PPP1R14C: variants seen among roughly 807,000 people sequenced by gnomAD.
The protein encoded by PPP1R14C is protein phosphatase 1 regulatory subunit 14C.
In PPP1R14C, 16 loss-of-function variants were observed where a neutral mutation model predicts 20.4. The ratio of observed to expected loss-of-function variants is 0.78; its 90% CI spans 0.53 to 1.19. The LOEUF is 1.19. PPP1R14C is among the 50% of genes most tolerant of loss of function. The pLI is 0.00. For missense variants in PPP1R14C, 211 were observed against 220.1 expected, an observed-to-expected ratio of 0.96 and a Z score of 0.26; for synonymous variants, 91 against 91.0, an observed-to-expected ratio of 1.00 and a Z score of 0.00.
intron 1 of PPP1R14C, among the ~76,000 whole-genome samples, chr6:150,162,746 A>T (rs1284242482): frequency 6.6e-6 from 1 of 152,232 alleles, no homozygotes; most frequent in African/African-American, 2.4e-5. Flanking sequence ...GGTGCTTAGG[A>T]TACAACAGCG....
rs369389461 is a variant in PPP1R14C, at chr6:150,248,927, G to GT, written c.*120dup. 74,578 of 420,114 alleles carry GT rather than the reference G, an allele frequency of 0.18. 546 individuals are homozygous for GT. The highest frequency in any genetic ancestry group is 0.2 in the Non-Finnish European group (49,441 of 249,006). 26.0% of individuals were successfully genotyped at this position (420,114 alleles called of 1,614,324 possible). On this transcript the variant is annotated 3_prime_UTR_variant, in exon 4 of 4. Coordinates refer to ENST00000361131, the MANE Select transcript of PPP1R14C (RefSeq NM_030949.3). Reference sequence around the variant, plus strand: ...AGGTGTCCTTATGAACAACGTTTTTGTTTTTTTTTTTTTCTTTTTTGGTGT... The same window carrying GT: ...AGGTGTCCTTATGAACAACGTTTTTGTTTTTTTTTTTTTTCTTTTTTGGTGT...
intron 1 of PPP1R14C, among the ~76,000 whole-genome samples, chr6:150,211,036 C>T (rs146141068): frequency 1.1e-3 from 162 of 152,336 alleles, no homozygotes; most frequent in African/African-American, 3.7e-3. Context: ...TCCCTCTAAA[C>T]CTGTTCAAAT....
intron 3 of PPP1R14C, among the ~76,000 whole-genome samples, chr6:150,218,485 C>CAAA (rs137954748): frequency 4.8e-5 from 6 of 125,762 alleles, no homozygotes; most frequent in African/African-American, 1.7e-4. Context: ...CCCCCCCCCC[C>CAAA]AAAAAAAAAT....
At chr6:150,228,775 C>A (rs1778259058) in intron 3 of PPP1R14C, among the ~76,000 whole-genome samples, 1 of 152,054 alleles carries the variant, frequency 6.6e-6, no homozygotes, top group African/African-American at 2.4e-5. Context: ...TTAAATTTTT[C>A]ACTATACACT....
At chr6:150,203,267 C>T (rs1357687205) in intron 1 of PPP1R14C, among the ~76,000 whole-genome samples, 1 of 152,196 alleles carries the variant, frequency 6.6e-6, no homozygotes, top group Non-Finnish European at 1.5e-5. Context: ...TTACTATCTC[C>T]ATATTTTAGT....
chr6:150,239,251 G>A (rs548925466), intron 3 of PPP1R14C, among the ~76,000 whole-genome samples: 10 of 152,308 alleles, frequency 6.6e-5, no homozygotes, highest in Admixed American at 1.3e-4. Context: ...TAAAGGTAGT[G>A]GTGAAACATC....
At chr6:150,212,184 A>T (rs767207882) in intron 1 of PPP1R14C, among the ~76,000 whole-genome samples, 15 of 152,232 alleles carry the variant, frequency 9.9e-5, no homozygotes, top group Non-Finnish European at 2.1e-4. Flanking sequence ...GCTACAATGC[A>T]AGTGCTCTCC....
At chr6:150,150,601 G>T (rs1258546718) in intron 1 of PPP1R14C, among the ~76,000 whole-genome samples, 1 of 152,102 alleles carries the variant, frequency 6.6e-6, no homozygotes, top group African/African-American at 2.4e-5. Flanking sequence ...TTTCCATGTG[G>T]CACATGCTTT....
At chr6:150,203,154 G>A (rs1422785004) in intron 1 of PPP1R14C, among the ~76,000 whole-genome samples, 1 of 152,256 alleles carries the variant, frequency 6.6e-6, no homozygotes, top group South Asian at 2.1e-4. Context: ...TGATATAGAT[G>A]CACCCTTATA....
intron 3 of PPP1R14C, among the ~76,000 whole-genome samples, chr6:150,243,956 G>A (rs1778462808): frequency 6.6e-6 from 1 of 152,150 alleles, no homozygotes; most frequent in Non-Finnish European, 1.5e-5. Flanking sequence ...GTAAAACTCT[G>A]GAGAAGGAAA....
intron 1 of PPP1R14C, among the ~76,000 whole-genome samples, chr6:150,148,540 T>G (rs1777204044): frequency 6.6e-6 from 1 of 152,210 alleles, no homozygotes; most frequent in South Asian, 2.1e-4. Flanking sequence ...GGCCTCTCCT[T>G]TTACATGCAG....
At chr6:150,149,443 A>ATTTTTTTT (rs1216146263) in intron 1 of PPP1R14C, among the ~76,000 whole-genome samples, 8 of 119,948 alleles carry the variant, frequency 6.7e-5, no homozygotes, top group African/African-American at 2.3e-4. Context: ...CTCCCACCTA[A>ATTTTTTTT]TTTTTTTTTT....
At chr6:150,241,119 A>AC (rs1275126269) in intron 3 of PPP1R14C, among the ~76,000 whole-genome samples, 1 of 151,338 alleles carries the variant, frequency 6.6e-6, no homozygotes, top group Non-Finnish European at 1.5e-5. Context: ...TTTCAGCCCT[A>AC]CCCCCATCCT....
At chr6:150,149,462 T>TGG in intron 1 of PPP1R14C, among the ~76,000 whole-genome samples, 1 of 102,096 alleles carries the variant, frequency 9.8e-6, no homozygotes, top group Non-Finnish European at 2.0e-5. Context: ...TTTCTTTTTT[T>TGG]TTTTTTTTTT....
chr6:150,150,971 T>C (rs9885754), intron 1 of PPP1R14C, among the ~76,000 whole-genome samples: 47,359 of 151,936 alleles, frequency 0.31, 8,177 homozygotes, highest in Non-Finnish European at 0.4. Context: ...TTTTCCTCTT[T>C]TGCCTGCTCT....
chr6:150,230,586 A>C (rs1340679693), intron 3 of PPP1R14C, among the ~76,000 whole-genome samples: 2 of 152,124 alleles, frequency 1.3e-5, no homozygotes, highest in African/African-American at 4.8e-5. Context: ...TGTTTTTGGA[A>C]AAGCTGGGTG....
In PPP1R14C at chr6:150,216,837, A is replaced by T; in HGVS notation, c.404A>T (p.Asp135Val). The part of the protein sequence containing the change: ...RASKLQEALV[D>V]CYKPTEEFIK... ...GTTTAATTCTAGGAAGCTCTTGTAG[A>T]CTGCTACAAACCAACAGAGGTAAGC... The change falls in exon 3 of 4, where the codon GAC becomes GTC. Residue 135 changes from aspartate to valine, a missense_variant. By Grantham distance (152) the Asp-to-Val change is radical. Coordinates refer to ENST00000361131, the MANE Select transcript of PPP1R14C (RefSeq NM_030949.3). 1 of 1,603,274 alleles carries T rather than the reference A, an allele frequency of 6.2e-7. No individual in the cohort carries two copies. The highest frequency in any genetic ancestry group is 8.5e-7 in the Non-Finnish European group (1 of 1,174,198).
intron 1 of PPP1R14C, among the ~76,000 whole-genome samples, chr6:150,180,878 A>G (rs943627309): frequency 6.6e-6 from 1 of 152,198 alleles, no homozygotes; most frequent in Non-Finnish European, 1.5e-5. Flanking sequence ...TCTAGACAAA[A>G]TAAGAGACAA....
At chr6:150,207,538 C>T (rs933126449) in intron 1 of PPP1R14C, among the ~76,000 whole-genome samples, 1 of 152,250 alleles carries the variant, frequency 6.6e-6, no homozygotes, top group Admixed American at 6.5e-5. Context: ...TGGGGACATG[C>T]CCTCTGGCCT....
Sources: allele counts gnomAD v4.1 joint callset (sites outside exome capture counted in the v4.1 genomes callset), GRCh38; gene constraint gnomAD v4.1.1; transcripts MANE v1.5; gene names NCBI Gene and HGNC (gene_info 2026-07-23, HGNC 2026-07-21).